The following CARF variants were observed in gnomAD, a reference collection of about 807,000 sequenced individuals.
CARF encodes calcium responsive transcription factor.
CARF carries 57 observed loss-of-function variants against 82.0 expected under a neutral mutation model. That is an observed-to-expected ratio of 0.70 (90% CI 0.56 to 0.87). CARF has a LOEUF of 0.87. Ranked by LOEUF, CARF falls within the 40% of genes least tolerant of loss-of-function variation. CARF has a pLI of 0.00. For missense variants in CARF, 771 were observed against 855.8 expected (o/e 0.90, Z 1.24); for synonymous variants, 268 against 290.1 (o/e 0.92, Z 0.77).
chr2:202,947,633 TTAAAG>T (rs749853857), intron 5 of CARF, among the ~76,000 whole-genome samples: 3 of 152,330 alleles, frequency 2.0e-5, no homozygotes, highest in South Asian at 4.1e-4. Flanking sequence ...GTCCCAGAAC[TTAAAG>T]TAAAACAAAA....
chr2:202,933,576 G>A (rs1188070516), intron 3 of CARF, among the ~76,000 whole-genome samples: 1 of 152,138 alleles, frequency 6.6e-6, no homozygotes, highest in African/African-American at 2.4e-5. Flanking sequence ...TCCCAGTTGG[G>A]GGATTGGGTG....
At chr2:202,945,309 T>C (rs2058443036) in intron 5 of CARF, among the ~76,000 whole-genome samples, 1 of 152,126 alleles carries the variant, frequency 6.6e-6, no homozygotes, top group South Asian at 2.1e-4. Context: ...TTTGTTTTAT[T>C]GTTTTTGTTT....
chr2:202,918,393 C>A (rs922391111), intron 2 of CARF, among the ~76,000 whole-genome samples: 3 of 151,936 alleles, frequency 2.0e-5, no homozygotes, highest in Non-Finnish European at 2.9e-5. Flanking sequence ...TGGTGGCGGG[C>A]GCCTATAGTC....
Position 202,967,067 on chromosome 2 carries a change from T to C in CARF, c.922T>C (p.Cys308Arg). Residue 308 changes from cysteine (C) to arginine (R), a missense_variant, in exon 10 of 17, where the codon TGT (cysteine) becomes CGT (arginine). Transcript: ENST00000438828. ...AGTCAGTGAGCAGGAAAGCAGGTCT[T>C]GTCAGCTCTACAAAGCCACTTGTCC... is the stretch of plus-strand genomic sequence containing the variant. Reference protein sequence around the residue: ...KKVSEQESRSCQLYKATCPAR... With the variant: ...KKVSEQESRSRQLYKATCPAR... The C allele has an allele frequency of 1.2e-6, 2 of 1,614,138 alleles. No individual in the cohort carries two copies. The highest frequency in any genetic ancestry group is 1.7e-6 in the Non-Finnish European group (2 of 1,180,006).
Position 202,941,988 on chromosome 2 carries a change from T to C in CARF, c.78+8T>C. On this transcript the variant is annotated splice_region_variant and intron_variant, in intron 4 of 16. Transcript: ENST00000438828. ...AGTGCTCAAGTATTTGAGGTATGGA[T>C]TCAGCTGGGAACCTTTTTCCATCCT... The C allele has an allele frequency of 6.2e-7, 1 of 1,611,542 alleles. No homozygotes were observed. The highest frequency in any genetic ancestry group is 2.2e-5 in the East Asian group (1 of 44,798).
At chr2:202,932,551 T>C (rs1489582840) in intron 3 of CARF, among the ~76,000 whole-genome samples, 1 of 151,968 alleles carries the variant, frequency 6.6e-6, no homozygotes, top group Non-Finnish European at 1.5e-5. Flanking sequence ...CCAATAGGGC[T>C]CGGTGGTAAG....
In CARF at chr2:202,984,121, T is replaced by C. The variant is rs2060365395; in HGVS notation, c.*497T>C. 6.6e-6 allele frequency: 1 copy of C among 152,616 alleles called. No individual in the cohort carries two copies. Among genetic ancestry groups the C allele is most frequent in the East Asian group, 1.9e-4 (1 of 5,214 alleles). 9.5% of individuals were successfully genotyped at this position (152,616 alleles called of 1,614,324 possible). On this transcript the variant is annotated 3_prime_UTR_variant, in exon 17 of 17. Transcript: ENST00000438828. ...TGCCAGACAGGTAAGAAAATGTTTA[T>C]AATCTATCTCATTAAGAAAGATGAA...
In CARF at chr2:202,985,039, A is replaced by G. The variant is rs1047378775; in HGVS notation, c.*1415A>G. The G allele has an allele frequency of 2.6e-5, 4 of 151,842 alleles. No homozygotes were observed. Among genetic ancestry groups the G allele is most frequent in the Non-Finnish European group, 5.9e-5 (4 of 67,968 alleles). 9.4% of individuals were successfully genotyped at this position (151,842 alleles called of 1,614,324 possible). Reference sequence around the variant, plus strand: ...CCATTGCACTCCAGCCTGGGTGACAAGAGAAAAACTCCATCTCAAAAAAAA... The same window carrying G: ...CCATTGCACTCCAGCCTGGGTGACAGGAGAAAAACTCCATCTCAAAAAAAA... On this transcript the variant is annotated 3_prime_UTR_variant, in exon 17 of 17. Transcript: ENST00000438828.
intron 8 of CARF, among the ~76,000 whole-genome samples, chr2:202,960,272 CAG>C (rs1275928968): frequency 1.3e-5 from 2 of 150,254 alleles, no homozygotes; most frequent in South Asian, 2.1e-4. Context: ...TTTTTTTAGA[CAG>C]AGTCTTGCTC....
rs2059022500 is a variant in CARF at position 202,956,036 on chromosome 2, A to G, written c.642+278A>G. 2.0e-5 allele frequency among the ~76,000 whole-genome samples: 3 copies of G among 150,612 alleles called. No individual in the cohort carries two copies. In the South Asian group the frequency reaches 6.3e-4, roughly 32 times the overall value. On this transcript the variant is annotated intron_variant, in intron 8 of 16. Coordinates refer to ENST00000438828, the MANE Select transcript of CARF (RefSeq NM_024744.17). The stretch of plus-strand genomic sequence containing the variant: ...AACTTCACTATCATGTTTCTCTACT[A>G]TTTACTTTTCAACCATTTATTTTCT...
At chr2:202,970,593 T>C (rs1329713680) in intron 11 of CARF, among the ~76,000 whole-genome samples, 2 of 152,170 alleles carry the variant, frequency 1.3e-5, no homozygotes, top group African/African-American at 4.8e-5. Flanking sequence ...TAATTTGTTA[T>C]TGTATAATGG....
At chr2:202,974,907 T>A (rs968794555) in intron 13 of CARF, among the ~76,000 whole-genome samples, 11 of 151,806 alleles carry the variant, frequency 7.2e-5, no homozygotes, top group Admixed American at 2.6e-4. Context: ...TCAAAAAATA[T>A]ATATATATAG....
chr2:202,972,061 T>A (rs1414512459), intron 12 of CARF, among the ~76,000 whole-genome samples: 1 of 152,068 alleles, frequency 6.6e-6, no homozygotes, highest in Non-Finnish European at 1.5e-5. Context: ...AAAACCTTTG[T>A]AGCACCAAAG....
chr2:202,917,197 C>A (rs968674507), intron 1 of CARF, among the ~76,000 whole-genome samples: 2 of 100,694 alleles, frequency 2.0e-5, no homozygotes, highest in African/African-American at 7.9e-5. Context: ...GGCGACAGAG[C>A]GAGACTCCGT....
At chr2:202,970,143 T>C in intron 11 of CARF, 81 bp downstream of exon 11, 1 of 1,268,382 alleles carries the variant, frequency 7.9e-7, no homozygotes, top group South Asian at 1.5e-5. Context: ...GAAATTATAG[T>C]TTTCCAACTA....
rs150057637 is a variant in CARF, at chr2:202,922,076, A to G, written c.-162-2221A>G. On this transcript the variant is annotated intron_variant, in intron 2 of 16. Transcript: ENST00000438828. Reference sequence around the variant, plus strand: ...AACTCTGGCTTCAAGCCATTCTTCCACCTTGACTTCCCAAAGTGCTAAGAT... The same window carrying G: ...AACTCTGGCTTCAAGCCATTCTTCCGCCTTGACTTCCCAAAGTGCTAAGAT... 3.2e-3 allele frequency among the ~76,000 whole-genome samples: 489 copies of G among 151,086 alleles called. 3 individuals are homozygous for G. Among genetic ancestry groups the G allele is most frequent in the African/African-American group, 0.011 (458 of 41,102 alleles).
intron 3 of CARF, among the ~76,000 whole-genome samples, chr2:202,938,583 T>C (rs1431682944): frequency 6.6e-6 from 1 of 150,440 alleles, no homozygotes; most frequent in Non-Finnish European, 1.5e-5. Flanking sequence ...TTTCAGTTTT[T>C]TTTTAATCTT....
chr2:202,976,115 A>G (rs1199607102), intron 13 of CARF, among the ~76,000 whole-genome samples: 2 of 152,008 alleles, frequency 1.3e-5, no homozygotes, highest in Non-Finnish European at 1.5e-5. Flanking sequence ...AGTTCTTCAT[A>G]CTTGATTGCC....
intron 3 of CARF, among the ~76,000 whole-genome samples, chr2:202,941,136 G>T (rs918384631): frequency 6.6e-6 from 1 of 151,914 alleles, no homozygotes; most frequent in African/African-American, 2.4e-5. Context: ...GTAACTACAG[G>T]CTTTTTGGAA....
Sources: gnomAD v4.1 joint callset for allele counts (sites outside exome capture counted in the v4.1 genomes callset) on GRCh38, gnomAD v4.1.1 for gene constraint, MANE v1.5 for transcripts, NCBI Gene and HGNC (gene_info 2026-07-23, HGNC 2026-07-21) for gene names.